The following KIR3DL1 variants were observed in gnomAD, a reference collection of about 807,000 sequenced individuals.
KIR3DL1 encodes killer cell immunoglobulin like receptor, three Ig domains and long cytoplasmic tail 1.
KIR3DL1 carries 50 observed loss-of-function variants against 40.3 expected under a neutral mutation model. That is an observed-to-expected ratio of 1.24 (90% CI 0.99 to 1.57). The LOEUF (loss-of-function observed/expected upper bound fraction) is 1.57, where lower values mean the gene tolerates loss of function less well. KIR3DL1 is among the 40% of genes most tolerant of loss of function. The pLI, the probability that KIR3DL1 is intolerant of heterozygous loss-of-function variation, is 0.00. For missense variants in KIR3DL1, 661 were observed against 559.9 expected, an observed-to-expected ratio of 1.18 and a Z score of -1.82; for synonymous variants, 257 against 207.2, an observed-to-expected ratio of 1.24 and a Z score of -2.07.
intron 1 of KIR3DL1, among the ~76,000 whole-genome samples, chr19:54,817,291 T>C (rs1238373923): frequency 6.9e-6 from 1 of 145,330 alleles, no homozygotes; most frequent in Non-Finnish European, 1.5e-5. Flanking sequence ...GGAGTGGAGA[T>C]ACGGACCTGG....
At position 54,825,079 on chromosome 19, in the gene KIR3DL1, G is replaced by A. The variant is rs1247139849; in HGVS notation, c.1000+1G>A. 6 of 1,513,992 alleles carry A rather than the reference G, an allele frequency of 4.0e-6. No individual in the cohort carries two copies. The Admixed American group carries it at 1.0e-4, about 26-fold the overall frequency. The allele number at this position is 1,513,992 out of a possible 1,614,324, so 93.8% of individuals were successfully genotyped here. On this transcript the variant is annotated splice_donor_variant, in intron 6 of 8. Transcript: ENST00000391728. LOFTEE classifies it high-confidence loss of function. ...CCCACAGAACCAAGCTCCAAATCTG[G>A]TGAGTAAAGGACCCCTCTTATCTCT...
chr19:54,827,626 A>C (rs1310843575), intron 6 of KIR3DL1, among the ~76,000 whole-genome samples: 1 of 150,758 alleles, frequency 6.6e-6, no homozygotes, highest in African/African-American at 2.5e-5. Flanking sequence ...AAAAATAAAA[A>C]TAAGAAATGC....
Position 54,818,608 on chromosome 19 carries a change from C to A in KIR3DL1, c.355+9C>A, listed in dbSNP as rs1175862783. 6.2e-7 allele frequency: 1 copy of A among 1,605,534 alleles called. No individual in the cohort carries two copies. The highest frequency in any genetic ancestry group is 1.7e-5 in the Admixed American group (1 of 59,486). ...GGTGATCATGGTCACAGGTCAGAGG[C>A]TTTCCGTCTGGGCTTCTCACTGTCC... On this transcript the variant is annotated intron_variant, in intron 3 of 8. Transcript: ENST00000391728.
chr19:54,819,879 G>T, exon 4 of KIR3DL1: 1 of 1,612,146 alleles, frequency 6.2e-7, no homozygotes, highest in Non-Finnish European at 8.5e-7. Context: ...TCCATGATGG[G>T]GTCTCCAAGG....
rs1347937626 is a variant in KIR3DL1, at chr19:54,821,861, G to A, written c.949+3G>A. ...CCCACTGCTTGTTTCTGTCACAGGT[G>A]AGAAAAGCCCATATCTCTCTCATGT... On this transcript the variant is annotated splice_donor_region_variant and intron_variant, in intron 5 of 8. Transcript: ENST00000391728. The A allele has an allele frequency of 2.5e-6, 4 of 1,599,252 alleles. No individual in the cohort carries two copies. In the East Asian group the frequency reaches 9.0e-5, roughly 36 times the overall value.
chr19:54,818,920 G>T (rs2061493437), intron 3 of KIR3DL1, among the ~76,000 whole-genome samples: 1 of 150,442 alleles, frequency 6.6e-6, no homozygotes, highest in South Asian at 2.1e-4. Context: ...GTAATCACAA[G>T]GGTCCACATG....
chr19:54,825,096 C>CT lies in KIR3DL1; in HGVS notation c.1000+20dup, dbSNP rs1427907094. 1.4e-6 allele frequency: 2 copies of CT among 1,474,970 alleles called. No individual in the cohort carries two copies. The highest frequency in any genetic ancestry group is 2.9e-5 in the African/African-American group (2 of 70,056). 91.4% of individuals were successfully genotyped at this position (1,474,970 alleles called of 1,614,324 possible). On this transcript the variant is annotated intron_variant, in intron 6 of 8. Transcript: ENST00000391728. ...CAAATCTGGTGAGTAAAGGACCCCTCTTATCTCTGCTTTTGGAAACCTGGG... is the reference window on the plus strand; with the variant it reads ...CAAATCTGGTGAGTAAAGGACCCCTCTTTATCTCTGCTTTTGGAAACCTGGG...
At chr19:54,822,609 CAG>C (rs1402266337) in intron 5 of KIR3DL1, among the ~76,000 whole-genome samples, 12 of 150,786 alleles carry the variant, frequency 8.0e-5, no homozygotes, top group Non-Finnish European at 1.5e-4. Context: ...GCCTGGGAGA[CAG>C]AGAGAGACTC....
intron 5 of KIR3DL1, among the ~76,000 whole-genome samples, chr19:54,822,397 G>A (rs2061684716): frequency 6.6e-6 from 1 of 151,236 alleles, no homozygotes; most frequent in South Asian, 2.1e-4. Flanking sequence ...GGCCAAGGAA[G>A]GTGGATCATT....
At position 54,830,445 on chromosome 19, in the gene KIR3DL1, A is replaced by G. The variant is rs2062168203; in HGVS notation, c.*170A>G. The G allele has an allele frequency of 1.7e-5, 14 of 848,006 alleles. 2 individuals carry two copies. Among genetic ancestry groups the G allele is most frequent in the African/African-American group, 5.0e-5 (3 of 59,524 alleles). The allele number at this position is 848,006 out of a possible 1,614,324, so 52.5% of individuals were successfully genotyped here. ...TCTGGTGCCTCTCTCTTGCTTACAA[A>G]TGTCTAGGTCCCCACTGCCTGCTGG... On this transcript the variant is annotated 3_prime_UTR_variant, in exon 9 of 9. Transcript: ENST00000391728.
At chr19:54,817,433 C>T in intron 1 of KIR3DL1, 101 bp from the exon 2 acceptor site, 4 of 1,034,862 alleles carry the variant, frequency 3.9e-6, no homozygotes, top group East Asian at 3.0e-5. Context: ...TTACCTTCAG[C>T]CCAGCAAGGG....
At chr19:54,822,859 A>G (rs1393231741) in intron 5 of KIR3DL1, among the ~76,000 whole-genome samples, 5 of 140,236 alleles carry the variant, frequency 3.6e-5, no homozygotes, top group Non-Finnish European at 7.9e-5. Flanking sequence ...TGTGTGTACC[A>G]CAGTTCTCTA....
In KIR3DL1 at chr19:54,823,085, G is replaced by T. The variant is rs1417892556; in HGVS notation, c.949+1227G>T. 3.3e-5 allele frequency among the ~76,000 whole-genome samples: 5 copies of T among 149,726 alleles called. 1 individual carries two copies. Among genetic ancestry groups the T allele is most frequent in the Non-Finnish European group, 7.4e-5 (5 of 67,706 alleles). On this transcript the variant is annotated intron_variant, in intron 5 of 8. Transcript: ENST00000391728. Reference sequence around the variant, plus strand: ...GTTTCCCTCCTTAGTCCAAGCTGGAGTCTAAGTGGTGAGATCTTGGCTCAT... The same window carrying T: ...GTTTCCCTCCTTAGTCCAAGCTGGATTCTAAGTGGTGAGATCTTGGCTCAT...
chr19:54,827,436 A>T (rs2061961628), intron 6 of KIR3DL1, among the ~76,000 whole-genome samples: 1 of 143,284 alleles, frequency 7.0e-6, no homozygotes, highest in Non-Finnish European at 1.5e-5. Flanking sequence ...ACATGGTGAA[A>T]CCCTATCTCT....
chr19:54,819,908 C>T (rs559245017), exon 4 of KIR3DL1: 2 of 1,612,246 alleles, frequency 1.2e-6, no homozygotes, highest in Non-Finnish European at 1.7e-6. Context: ...TCCATCGGTC[C>T]CATGATGCTT....
rs543414664 is a variant in KIR3DL1, at chr19:54,819,526, G to A, written c.356-187G>A. Among the ~76,000 whole-genome samples, 13 of 151,398 alleles carry A rather than the reference G, an allele frequency of 8.6e-5. 1 individual carries two copies. In the East Asian group the frequency reaches 2.1e-3, roughly 25 times the overall value. ...GAGTCAGGGGCTACTGGAGACAGAG[G>A]GACAGAGAAGAGGGAGGAAGACAGA... On this transcript the variant is annotated intron_variant, in intron 3 of 8. Transcript: ENST00000391728.
chr19:54,819,813 C>T, exon 4 of KIR3DL1: 2 of 1,612,032 alleles, frequency 1.2e-6, no homozygotes, highest in Non-Finnish European at 1.7e-6. Context: ...TGTTTGAGCA[C>T]TTCTTTCTGC....
At chr19:54,821,837 C>T in exon 5 of KIR3DL1, 2 of 1,602,238 alleles carry the variant, frequency 1.2e-6, no homozygotes, top group Admixed American at 3.4e-5. Flanking sequence ...CCCGAGTGAC[C>T]CACTGCTTGT....
chr19:54,821,788 C>G, exon 5 of KIR3DL1: 2 of 1,607,296 alleles, frequency 1.2e-6, no homozygotes, highest in Non-Finnish European at 1.7e-6. Flanking sequence ...CCTACAGATG[C>G]TTCGGCTCTT....
Sources: gnomAD v4.1 joint callset for allele counts (sites outside exome capture counted in the v4.1 genomes callset) on GRCh38, gnomAD v4.1.1 for gene constraint, MANE v1.5 for transcripts, NCBI Gene and HGNC (gene_info 2026-07-23, HGNC 2026-07-21) for gene names.